DENND1A: variants seen among roughly 807,000 people sequenced by gnomAD.
DENND1A encodes the protein DENN domain containing 1A.
In DENND1A, 51 loss-of-function variants were observed where a neutral mutation model predicts 113.7. The observed-to-expected ratio is 0.45, with a 90% CI of 0.36 to 0.57. The LOEUF (loss-of-function observed/expected upper bound fraction) is 0.57, where lower values mean the gene tolerates loss of function less well. DENND1A is among the 20% of genes least tolerant of loss of function. DENND1A has a pLI of 0.00. For synonymous variants in DENND1A, 565 were observed against 570.8 expected, an observed-to-expected ratio of 0.99 and a Z score of 0.14; for missense variants, 1,258 against 1,395.9, an observed-to-expected ratio of 0.90 and a Z score of 1.57.
chr9:123,497,255 C>T (rs1165460341), intron 13 of DENND1A, among the ~76,000 whole-genome samples: 2 of 152,352 alleles, frequency 1.3e-5, no homozygotes, highest in Non-Finnish European at 2.9e-5. Context: ...AGGCACAGTG[C>T]AGTGACTCAG....
chr9:123,759,759 A>G (rs1348166252), intron 4 of DENND1A: 1 of 152,266 alleles, frequency 6.6e-6, no homozygotes, highest in Non-Finnish European at 1.5e-5. Context: ...TGGAAATAAT[A>G]TAACAATGCT....
intron 19 of DENND1A, among the ~76,000 whole-genome samples, chr9:123,428,086 T>C (rs1294121803): frequency 6.6e-6 from 1 of 152,194 alleles, no homozygotes; most frequent in Non-Finnish European, 1.5e-5. Flanking sequence ...GGTAGATCGC[T>C]TGAGCTCAGG....
chr9:123,758,054 T>C (rs906922830), intron 4 of DENND1A, among the ~76,000 whole-genome samples: 1 of 150,230 alleles, frequency 6.7e-6, no homozygotes, highest in African/African-American at 2.4e-5. Context: ...AGAGCTATCA[T>C]ACCTTCTCCT....
At chr9:123,497,026 G>A (rs2051987887) in intron 13 of DENND1A, among the ~76,000 whole-genome samples, 1 of 152,028 alleles carries the variant, frequency 6.6e-6, no homozygotes, top group South Asian at 2.1e-4. Flanking sequence ...GCTTACCTCC[G>A]TGACTGGGTC....
chr9:123,588,093 T>C (rs138128940), intron 11 of DENND1A, among the ~76,000 whole-genome samples: 3,355 of 149,468 alleles, frequency 0.022, 92 homozygotes, highest in African/African-American at 0.071. Context: ...GCCTGACCAA[T>C]GGAGAAACCC....
At chr9:123,460,089 A>G (rs564791378) in intron 13 of DENND1A, among the ~76,000 whole-genome samples, 18 of 152,336 alleles carry the variant, frequency 1.2e-4, no homozygotes, top group South Asian at 2.1e-4. Context: ...CATCTAAGTT[A>G]AGTTACAAAA....
rs184819408 is a variant in DENND1A, at chr9:123,823,840, G to A, written c.89-31210C>T. Among the ~76,000 whole-genome samples, 437 of 152,172 alleles carry A rather than the reference G, an allele frequency of 2.9e-3. 1 individual carries two copies. The highest frequency in any genetic ancestry group is 6.8e-3 in the Middle Eastern group (2 of 294). On this transcript the variant is annotated intron_variant, in intron 2 of 23. Transcript: ENST00000394215. ...AGACAGAAGAAACACCAAGAGAGAC[G>A]GAGGGAAAAGAGAACAATTCCCAGG...
intron 13 of DENND1A, among the ~76,000 whole-genome samples, chr9:123,487,507 G>C (rs758777613): frequency 6.6e-5 from 10 of 152,196 alleles, no homozygotes; most frequent in African/African-American, 2.4e-4. Context: ...AGAACCTGAG[G>C]CTACTCTCAG....
At position 123,675,488 on chromosome 9, in the gene DENND1A, T is replaced by C. The variant is rs80136131; in HGVS notation, c.372+1232A>G. Among the ~76,000 whole-genome samples the C allele has an allele frequency of 6.0e-3, 913 of 152,282 alleles. 10 individuals carry two copies. The highest frequency in any genetic ancestry group is 0.021 in the African/African-American group (869 of 41,556). On this transcript the variant is annotated intron_variant, in intron 6 of 23. Transcript: ENST00000394215. ...GAACTGGCACCCTTTTCATGGACCA[T>C]TTCTCAGAACTAACACTCAAATTGC... is the stretch of plus-strand genomic sequence containing the variant.
At chr9:123,815,269 T>G (rs1452165797) in intron 2 of DENND1A, among the ~76,000 whole-genome samples, 2 of 152,206 alleles carry the variant, frequency 1.3e-5, no homozygotes, top group Admixed American at 6.5e-5. Context: ...TGTCTACAGA[T>G]GCACCTTTTG....
At chr9:123,455,995 T>A (rs1302453260) in intron 15 of DENND1A, among the ~76,000 whole-genome samples, 1 of 152,144 alleles carries the variant, frequency 6.6e-6, no homozygotes, top group Non-Finnish European at 1.5e-5. Context: ...TACCTAACAC[T>A]CCTTGAGGGC....
chr9:123,467,762 C>T (rs2049076405), intron 13 of DENND1A, among the ~76,000 whole-genome samples: 1 of 152,192 alleles, frequency 6.6e-6, no homozygotes, highest in Non-Finnish European at 1.5e-5. Context: ...CCCTGTGTGA[C>T]TGCACAGGTC....
At chr9:123,777,684 CCTT>C (rs1265443065) in intron 3 of DENND1A, among the ~76,000 whole-genome samples, 1 of 152,200 alleles carries the variant, frequency 6.6e-6, no homozygotes, top group East Asian at 1.9e-4. Flanking sequence ...ATATACCTAA[CCTT>C]CTGCTTATTA....
intron 7 of DENND1A, among the ~76,000 whole-genome samples, chr9:123,667,836 C>A (rs10986083): frequency 4.6e-5 from 7 of 151,792 alleles, no homozygotes; most frequent in Non-Finnish European, 8.8e-5. Context: ...CCCCAAAGGC[C>A]TAAGTGATGT....
chr9:123,547,100 GAAC>G (rs1488418636), intron 13 of DENND1A, among the ~76,000 whole-genome samples: 1 of 152,224 alleles, frequency 6.6e-6, no homozygotes, highest in Non-Finnish European at 1.5e-5. Flanking sequence ...ACTGGGTTCT[GAAC>G]AACATCAGTG....
intron 1 of DENND1A, among the ~76,000 whole-genome samples, chr9:123,917,207 C>A (rs750820445): frequency 1.2e-4 from 18 of 152,064 alleles, no homozygotes; most frequent in Non-Finnish European, 1.3e-4. Flanking sequence ...ACAACAACAA[C>A]AAAAAACTAA....
intron 13 of DENND1A, among the ~76,000 whole-genome samples, chr9:123,465,231 TC>T (rs2048846529): frequency 6.7e-6 from 1 of 149,266 alleles, no homozygotes; most frequent in African/African-American, 2.5e-5. Flanking sequence ...TATCAAAGAA[TC>T]CTGTCTAGTT....
chr9:123,652,330 C>T (rs1446574951), intron 8 of DENND1A: 5 of 492,992 alleles, frequency 1.0e-5, no homozygotes, highest in African/African-American at 7.8e-5. Flanking sequence ...AGGAAGGAGC[C>T]TGAGCAATTA....
intron 13 of DENND1A, among the ~76,000 whole-genome samples, chr9:123,472,135 T>A (rs10760290): frequency 6.6e-6 from 1 of 152,040 alleles, no homozygotes; most frequent in Non-Finnish European, 1.5e-5. Context: ...ACGTCCTTTG[T>A]GGCTCTTTTG....
Sources: allele counts gnomAD v4.1 joint callset (sites outside exome capture counted in the v4.1 genomes callset), GRCh38; gene constraint gnomAD v4.1.1; transcripts MANE v1.5; gene names NCBI Gene and HGNC (gene_info 2026-07-23, HGNC 2026-07-21).